The following KIAA0513 variants were observed in gnomAD, a reference collection of about 807,000 sequenced individuals.
KIAA0513 encodes uncharacterized protein KIAA0513.
A neutral mutation model predicts 56.5 loss-of-function variants in KIAA0513; 39 were observed. The observed-to-expected ratio is 0.69, with a 90% confidence interval of 0.53 to 0.90. KIAA0513 has a LOEUF of 0.90. Among genes scored for constraint, KIAA0513 ranks in the 40% least tolerant of loss-of-function variants. The pLI, the probability that KIAA0513 is intolerant of heterozygous loss-of-function variation, is 0.00. For synonymous variants in KIAA0513, 268 were observed against 215.6 expected (o/e 1.24, Z -2.13); for missense variants, 591 against 535.2 (o/e 1.10, Z -1.03).
At chr16:85,036,738 G>A (rs1024571973) in intron 1 of KIAA0513, among the ~76,000 whole-genome samples, 1 of 152,166 alleles carries the variant, frequency 6.6e-6, no homozygotes, top group Non-Finnish European at 1.5e-5. Flanking sequence ...GGACCACATT[G>A]CATGTGGTCA....
intron 1 of KIAA0513, among the ~76,000 whole-genome samples, chr16:85,042,832 C>T (rs748649657): frequency 2.9e-4 from 44 of 152,220 alleles, no homozygotes; most frequent in Non-Finnish European, 7.3e-5. Context: ...TTGTGCCAGG[C>T]CTCGCCGTGG....
At chr16:85,051,897 T>A (rs2073257831) in intron 1 of KIAA0513, among the ~76,000 whole-genome samples, 1 of 151,600 alleles carries the variant, frequency 6.6e-6, no homozygotes, top group South Asian at 2.1e-4. Flanking sequence ...CAAGTGACCC[T>A]CCAGCCTCAG....
intron 1 of KIAA0513, among the ~76,000 whole-genome samples, chr16:85,063,959 C>T (rs2073442317): frequency 6.6e-6 from 1 of 151,112 alleles, no homozygotes; most frequent in Non-Finnish European, 1.5e-5. Flanking sequence ...ATCACTACTG[C>T]AACTTTTTCA....
chr16:85,042,203 T>G (rs2073112563), intron 1 of KIAA0513, among the ~76,000 whole-genome samples: 2 of 152,228 alleles, frequency 1.3e-5, no homozygotes, highest in Non-Finnish European at 2.9e-5. Context: ...GGGTGAAAAG[T>G]GCTAAGCCCT....
At chr16:85,085,024 G>C (rs1483984102) in intron 10 of KIAA0513, among the ~76,000 whole-genome samples, 1 of 152,246 alleles carries the variant, frequency 6.6e-6, no homozygotes, top group Non-Finnish European at 1.5e-5. Flanking sequence ...AAGAGGAGGG[G>C]TCAGGGCTGC....
At position 85,088,626 on chromosome 16, in the gene KIAA0513, A is replaced by C; in HGVS notation, c.*301A>C. 2.7e-6 allele frequency: 1 copy of C among 366,606 alleles called. No individual in the cohort carries two copies. Among genetic ancestry groups the C allele is most frequent in the Admixed American group, 4.3e-5 (1 of 23,298 alleles). 22.7% of individuals were successfully genotyped at this position (366,606 alleles called of 1,614,324 possible). A position where few individuals can be genotyped will look rare whatever the true frequency, so the allele number is the denominator to read the frequency against. On this transcript the variant is annotated 3_prime_UTR_variant, in exon 13 of 13. Transcript: ENST00000683363. ...GAGACCAAGAGGGAGGAGGGGAAGG[A>C]CTCCATGGGCCATCGTGGGCCAAGG...
chr16:85,040,485 G>A (rs182786460), intron 1 of KIAA0513, among the ~76,000 whole-genome samples: 11 of 152,216 alleles, frequency 7.2e-5, no homozygotes, highest in Admixed American at 5.2e-4. Context: ...AGCTGAGATC[G>A]CACCACAGCA....
chr16:85,044,090 G>A (rs917416699), intron 1 of KIAA0513, among the ~76,000 whole-genome samples: 1 of 152,180 alleles, frequency 6.6e-6, no homozygotes, highest in Admixed American at 6.5e-5. Context: ...TGGCATGAAC[G>A]TTTTTCCATC....
intron 4 of KIAA0513, among the ~76,000 whole-genome samples, chr16:85,073,962 G>GTTTTGT (rs56301630): frequency 0.079 from 11,888 of 150,648 alleles, 491 homozygotes; most frequent in Middle Eastern, 0.085. Context: ...TTTTTGTTTT[G>GTTTTGT]TTTTGTTTTT....
At position 85,087,273 on chromosome 16, in the gene KIAA0513, G is replaced by A. The variant is rs113293678; in HGVS notation, c.1186+107G>A. Reference sequence around the variant, plus strand: ...CTGCCAGAAGGCATGTCGTGTTGCAGTCGGAAACGTGGTGCTGAGCTCTCG... The same window carrying A: ...CTGCCAGAAGGCATGTCGTGTTGCAATCGGAAACGTGGTGCTGAGCTCTCG... On this transcript the variant is annotated intron_variant, in intron 12 of 12. Transcript: ENST00000683363. 167 of 883,532 alleles carry A rather than the reference G, an allele frequency of 1.9e-4. No homozygotes were observed. In the African/African-American group the frequency reaches 2.5e-3, roughly 13 times the overall value. 54.7% of individuals were successfully genotyped at this position (883,532 alleles called of 1,614,324 possible).
intron 2 of KIAA0513, among the ~76,000 whole-genome samples, chr16:85,071,271 G>C (rs577899568): frequency 6.6e-6 from 1 of 152,308 alleles, no homozygotes; most frequent in Non-Finnish European, 1.5e-5. Context: ...AGGGATGAGC[G>C]AGCGCCCCGC....
At chr16:85,045,861 C>T (rs1464137287) in intron 1 of KIAA0513, among the ~76,000 whole-genome samples, 2 of 152,174 alleles carry the variant, frequency 1.3e-5, no homozygotes, top group African/African-American at 4.8e-5. Flanking sequence ...CAGTGAGTAG[C>T]CCACTTCCAT....
intron 6 of KIAA0513, 87 bp downstream of exon 6, chr16:85,077,719 C>T (rs1028536185): frequency 1.9e-5 from 18 of 953,938 alleles, no homozygotes; most frequent in Middle Eastern, 3.2e-4. Context: ...AGGGAGGGTG[C>T]GGGTGAGGCC....
At position 85,067,215 on chromosome 16, in the gene KIAA0513, T is replaced by A; in HGVS notation, c.144T>A (p.Thr48=). Residue 48 remains threonine, a synonymous_variant, in exon 2 of 13, where the codon ACT becomes ACA. Transcript: ENST00000683363. The part of the protein sequence containing the change: ...LGDGASESET[T]ESADSENDMG... ...ACGGTGCATCAGAGAGTGAGACCACTGAGTCTGCGGACAGTGAGAATGACA... is the reference window on the plus strand; with the variant it reads ...ACGGTGCATCAGAGAGTGAGACCACAGAGTCTGCGGACAGTGAGAATGACA... 6.2e-7 allele frequency: 1 copy of A among 1,614,166 alleles called. No individual in the cohort carries two copies. The highest frequency in any genetic ancestry group is 1.1e-5 in the South Asian group (1 of 91,088).
At chr16:85,037,508 G>A (rs2073050958) in intron 1 of KIAA0513, among the ~76,000 whole-genome samples, 1 of 152,108 alleles carries the variant, frequency 6.6e-6, no homozygotes, top group Non-Finnish European at 1.5e-5. Flanking sequence ...CGAACACAGT[G>A]TCCATATGTC....
Position 85,067,154 on chromosome 16 carries a change from C to T in KIAA0513, c.83C>T (p.Pro28Leu), listed in dbSNP as rs748968892. 1 of 1,614,106 alleles carries T rather than the reference C, an allele frequency of 6.2e-7. No homozygotes were observed. The highest frequency in any genetic ancestry group is 8.5e-7 in the Non-Finnish European group (1 of 1,179,980). ...ACCTCTTCTCCCCTGGAGGCACCAC[C>T]CCCTGTGCTGCAGGACGGCGATGGC... ...APTSSPLEAPPPVLQDGDGSL... is the reference protein window; with the variant it reads ...APTSSPLEAPLPVLQDGDGSL... The change falls in exon 2 of 13, where the codon CCC becomes CTC. Residue 28 changes from proline (P) to leucine (L), a missense_variant. Coordinates refer to ENST00000683363, the MANE Select transcript of KIAA0513 (RefSeq NM_001388359.1).
At chr16:85,069,990 C>T (rs1249839941) in intron 2 of KIAA0513, among the ~76,000 whole-genome samples, 1 of 145,944 alleles carries the variant, frequency 6.9e-6, no homozygotes, top group Non-Finnish European at 1.5e-5. Flanking sequence ...CATAGTGAAA[C>T]CCCCTCTCTA....
chr16:85,060,962 T>A (rs1235857569), intron 1 of KIAA0513, among the ~76,000 whole-genome samples: 2 of 151,902 alleles, frequency 1.3e-5, no homozygotes, highest in South Asian at 2.1e-4. Flanking sequence ...GAGACCAACC[T>A]GGCCAACATG....
chr16:85,082,520 C>T (rs764916093), intron 9 of KIAA0513, 44 bp from the exon 10 acceptor site: 1 of 1,606,932 alleles, frequency 6.2e-7, no homozygotes, highest in South Asian at 1.1e-5. Context: ...TCTTGCATGA[C>T]TTTGACATGT....
Sources: gnomAD v4.1 joint callset for allele counts (sites outside exome capture counted in the v4.1 genomes callset) on GRCh38, gnomAD v4.1.1 for gene constraint, MANE v1.5 for transcripts, NCBI Gene and HGNC (gene_info 2026-07-23, HGNC 2026-07-21) for gene names.